The following TBC1D32 variants were observed in gnomAD, a reference collection of about 807,000 sequenced individuals.
TBC1D32 encodes protein broad-minded.
In TBC1D32, 151 loss-of-function variants were observed where a neutral mutation model predicts 170.3. The observed-to-expected ratio is 0.89, with a 90% CI of 0.78 to 1.01. The LOEUF is 1.01. Among genes scored for constraint, TBC1D32 ranks in the 50% least tolerant of loss-of-function variants. The probability of loss-of-function intolerance (pLI) is 0.00; values close to 1 mark genes in which losing one functional copy is unlikely to be tolerated. For synonymous variants in TBC1D32, 498 were observed against 488.0 expected (o/e 1.02, Z -0.27); for missense variants, 1,464 against 1,457.1 (o/e 1.00, Z -0.08).
At chr6:121,273,707 C>G (rs911858445) in intron 15 of TBC1D32, among the ~76,000 whole-genome samples, 2 of 151,458 alleles carry the variant, frequency 1.3e-5, no homozygotes, top group Non-Finnish European at 2.9e-5. Flanking sequence ...TTAAGTTCAG[C>G]CTAAATGTTT....
intron 15 of TBC1D32, among the ~76,000 whole-genome samples, chr6:121,274,696 CA>C (rs932963712): frequency 2.6e-5 from 4 of 151,602 alleles, no homozygotes; most frequent in African/African-American, 9.7e-5. Context: ...CAAAAAAAGA[CA>C]AAAAAGACTT....
rs1369794179 is a variant in TBC1D32, at chr6:121,213,652, A to G, written c.2482-8489T>C. 1.2e-4 allele frequency among the ~76,000 whole-genome samples: 18 copies of G among 152,160 alleles called. 1 individual carries two copies. The highest frequency in any genetic ancestry group is 1.2e-3 in the Admixed American group (18 of 15,280). ...ATGGCTTAAAGAACTCAGAGATGAT[A>G]CAAACAAATGGAAACACATTCGATG... On this transcript the variant is annotated intron_variant, in intron 21 of 31. Transcript: ENST00000398212.
chr6:121,233,773 GTTTT>G (rs1435335834), intron 20 of TBC1D32, among the ~76,000 whole-genome samples: 5 of 151,870 alleles, frequency 3.3e-5, no homozygotes, highest in Admixed American at 3.3e-4. Flanking sequence ...GAATACCTTG[GTTTT>G]TTTGTCATTG....
intron 22 of TBC1D32, among the ~76,000 whole-genome samples, chr6:121,188,103 G>C (rs1361623258): frequency 6.6e-6 from 1 of 152,006 alleles, no homozygotes; most frequent in African/African-American, 2.4e-5. Flanking sequence ...TGTCCCAGTT[G>C]AATCATTTGT....
At chr6:121,235,460 A>G (rs1212482491) in intron 20 of TBC1D32, among the ~76,000 whole-genome samples, 1 of 152,084 alleles carries the variant, frequency 6.6e-6, no homozygotes, top group Non-Finnish European at 1.5e-5. Flanking sequence ...TTCCCAGTCC[A>G]ATGGAGTTAT....
chr6:121,178,194 C>T lies in TBC1D32; in HGVS notation c.2571-17138G>A, dbSNP rs1300020927. The stretch of plus-strand genomic sequence containing the variant: ...ATTCAATTATCTCTGCCTGGTCCCG[C>T]CCTTGACACGTGGGGATTATTACAA... On this transcript the variant is annotated intron_variant, in intron 22 of 31. Transcript: ENST00000398212. Among the ~76,000 whole-genome samples, 4 of 152,264 alleles carry T rather than the reference C, an allele frequency of 2.6e-5. No individual in the cohort carries two copies. The South Asian group carries it at 6.2e-4, about 24-fold the overall frequency.
chr6:121,093,049 C>T (rs2128177937), intron 30 of TBC1D32, among the ~76,000 whole-genome samples: 1 of 152,146 alleles, frequency 6.6e-6, no homozygotes, highest in South Asian at 2.1e-4. Context: ...AAAATCTTTC[C>T]AAAGAGCCCA....
chr6:121,294,499 T>C, intron 11 of TBC1D32, 71 bp downstream of exon 11: 1 of 1,116,352 alleles, frequency 9.0e-7, no homozygotes, highest in Non-Finnish European at 1.3e-6. Flanking sequence ...AAATAAAAGT[T>C]CCTACTAAAC....
intron 11 of TBC1D32, 69 bp from the exon 12 acceptor site, chr6:121,292,262 C>T: frequency 7.0e-7 from 1 of 1,435,386 alleles, no homozygotes; most frequent in South Asian, 1.4e-5. Context: ...TCTTCATTCC[C>T]TTCTAGACAT....
intron 14 of TBC1D32, among the ~76,000 whole-genome samples, chr6:121,280,152 A>G (rs1367737425): frequency 6.6e-6 from 1 of 151,734 alleles, no homozygotes; most frequent in African/African-American, 2.4e-5. Flanking sequence ...TTCCTATTAA[A>G]TATCTTTCTT....
intron 25 of TBC1D32, among the ~76,000 whole-genome samples, chr6:121,127,093 G>T (rs1252344813): frequency 6.6e-6 from 1 of 151,990 alleles, no homozygotes; most frequent in East Asian, 1.9e-4. Context: ...TGAGTTTTTT[G>T]TTGTTGTTGT....
At position 121,080,814 on chromosome 6, in the gene TBC1D32, A is replaced by G; in HGVS notation, c.3731T>C (p.Val1244Ala). The G allele has an allele frequency of 6.2e-7, 1 of 1,613,938 alleles. No individual in the cohort carries two copies. The highest frequency in any genetic ancestry group is 2.2e-5 in the East Asian group (1 of 44,840). ...MEILEQNYRT[V>A]LLRDMRNIRL... ...AATGTTCCGCATGTCTCTCAGCAGCACTGTTCGGTAGTTTTGTTCCAAAAT... is the reference window on the plus strand; with the variant it reads ...AATGTTCCGCATGTCTCTCAGCAGCGCTGTTCGGTAGTTTTGTTCCAAAAT... The change falls in exon 32 of 32, where the codon GTG becomes GCG. Residue 1244 changes from valine to alanine, a missense_variant. Coordinates refer to ENST00000398212, the MANE Select transcript of TBC1D32 (RefSeq NM_152730.6).
chr6:121,291,575 G>C lies in TBC1D32; in HGVS notation c.1372+478C>G, dbSNP rs3923665. ...ATGGGGAAAAAGTAAATGAGACTTA[G>C]GGTAAAAATTATATGGTAATATACA... On this transcript the variant is annotated intron_variant, in intron 12 of 31. Transcript: ENST00000398212. 2.3e-3 allele frequency among the ~76,000 whole-genome samples: 350 copies of C among 152,230 alleles called. 3 individuals carry two copies. The highest frequency in any genetic ancestry group is 7.9e-3 in the African/African-American group (329 of 41,534).
intron 22 of TBC1D32, among the ~76,000 whole-genome samples, chr6:121,177,144 TC>T (rs1212336047): frequency 6.6e-6 from 1 of 152,158 alleles, no homozygotes; most frequent in Non-Finnish European, 1.5e-5. Context: ...TGGATATGTG[TC>T]CCTGCCCATA....
At chr6:121,158,062 G>T (rs985885818) in intron 24 of TBC1D32, among the ~76,000 whole-genome samples, 1 of 151,926 alleles carries the variant, frequency 6.6e-6, no homozygotes, top group African/African-American at 2.4e-5. Flanking sequence ...AGCAAACTTG[G>T]GAAAATTTTG....
intron 17 of TBC1D32, among the ~76,000 whole-genome samples, chr6:121,254,719 A>G (rs1350168472): frequency 2.6e-5 from 4 of 152,120 alleles, no homozygotes; most frequent in Non-Finnish European, 5.9e-5. Context: ...CTCCCTAATT[A>G]TTATCATTTT....
At chr6:121,142,993 G>C (rs1273744) in intron 24 of TBC1D32, among the ~76,000 whole-genome samples, 152,249 of 152,274 alleles carry the variant, frequency 1, 76,112 homozygotes, top group Non-Finnish European at 1. Flanking sequence ...ATCTGCTTGC[G>C]TCTTCTTTGT....
At chr6:121,185,080 A>G (rs1032073631) in intron 22 of TBC1D32, among the ~76,000 whole-genome samples, 1 of 151,446 alleles carries the variant, frequency 6.6e-6, no homozygotes, top group Non-Finnish European at 1.5e-5. Context: ...GCCCCTGACC[A>G]TCTAGACCAA....
Position 121,316,085 on chromosome 6 carries a change from A to T in TBC1D32, c.495+1410T>A, listed in dbSNP as rs558080854. On this transcript the variant is annotated intron_variant, in intron 3 of 31. Coordinates refer to ENST00000398212, the MANE Select transcript of TBC1D32 (RefSeq NM_152730.6). ...TCAAGAACTGAAACAAAACAAGATA[A>T]AAAACAAGAACATCTTCTAAAATTA... is the stretch of plus-strand genomic sequence containing the variant. 4.6e-5 allele frequency among the ~76,000 whole-genome samples: 7 copies of T among 152,300 alleles called. No individual in the cohort carries two copies. The East Asian group carries it at 1.4e-3, about 29-fold the overall frequency.
Sources: gnomAD v4.1 joint callset for allele counts (sites outside exome capture counted in the v4.1 genomes callset) on GRCh38, gnomAD v4.1.1 for gene constraint, MANE v1.5 for transcripts, NCBI Gene and HGNC (gene_info 2026-07-23, HGNC 2026-07-21) for gene names.